RNF144A: variants seen among roughly 807,000 people sequenced by gnomAD.
RNF144A encodes the protein ring finger protein 144A, also known as E3 ubiquitin-protein ligase RNF144A.
A neutral mutation model predicts 38.7 loss-of-function variants in RNF144A; 11 were observed. The observed-to-expected ratio is 0.28, with a 90% CI of 0.18 to 0.47. RNF144A has a LOEUF of 0.47. RNF144A is among the 20% of genes least tolerant of loss of function. The pLI is 0.99. For missense variants in RNF144A, 316 were observed against 377.2 expected, an observed-to-expected ratio of 0.84 and a Z score of 1.34; for synonymous variants, 149 against 143.9, an observed-to-expected ratio of 1.04 and a Z score of -0.25.
downstream of RNF144A, among the ~76,000 whole-genome samples, chr2:7,047,065 G>C (rs1006352102): frequency 6.6e-6 from 1 of 152,188 alleles, no homozygotes; most frequent in East Asian, 1.9e-4. Context: ...AAAAGCTTCT[G>C]ACAGTTGGAC....
chr2:6,924,312 G>A (rs1407376779), intron 1 of RNF144A, among the ~76,000 whole-genome samples: 1 of 152,260 alleles, frequency 6.6e-6, no homozygotes, highest in Admixed American at 6.5e-5. Context: ...GGGGGCCCGA[G>A]GCACTGTGCG....
intron 2 of RNF144A, among the ~76,000 whole-genome samples, chr2:6,980,646 A>G (rs1014513630): frequency 6.6e-6 from 1 of 152,208 alleles, no homozygotes; most frequent in Non-Finnish European, 1.5e-5. Flanking sequence ...ATAGGCTGGC[A>G]TTGAGCGCCT....
intron 2 of RNF144A, among the ~76,000 whole-genome samples, chr2:6,961,917 C>T (rs1667369835): frequency 1.3e-5 from 2 of 152,196 alleles, no homozygotes; most frequent in Admixed American, 1.3e-4. Flanking sequence ...TTACTAAATA[C>T]ATGTGAAATT....
intron 2 of RNF144A, among the ~76,000 whole-genome samples, chr2:6,950,141 C>A (rs977573266): frequency 2.0e-5 from 3 of 152,168 alleles, no homozygotes; most frequent in Admixed American, 1.3e-4. Flanking sequence ...ATATCCTGAA[C>A]CTGCCTTTCA....
chr2:7,044,677 G>A (rs1673231041), downstream of RNF144A, among the ~76,000 whole-genome samples: 1 of 152,212 alleles, frequency 6.6e-6, no homozygotes, highest in African/African-American at 2.4e-5. Flanking sequence ...AGATAATAAT[G>A]AGCTGAAGAT....
intron 3 of RNF144A, among the ~76,000 whole-genome samples, chr2:7,002,795 T>C (rs574373705): frequency 6.6e-6 from 1 of 152,300 alleles, no homozygotes; most frequent in South Asian, 2.1e-4. Flanking sequence ...TGGAACAGCC[T>C]GAGGCAGGTC....
At chr2:7,045,491 C>T (rs1673269731), downstream of RNF144A, among the ~76,000 whole-genome samples, 2 of 152,282 alleles carry the variant, frequency 1.3e-5, no homozygotes, top group East Asian at 3.9e-4. Context: ...CTGGTAGATG[C>T]ACCCCCAGTC....
At chr2:6,959,630 C>T (rs370984454) in intron 2 of RNF144A, among the ~76,000 whole-genome samples, 4 of 152,044 alleles carry the variant, frequency 2.6e-5, no homozygotes, top group South Asian at 2.1e-4. Flanking sequence ...GAGGGGCACA[C>T]GAAAGAAAAC....
intron 6 of RNF144A, among the ~76,000 whole-genome samples, chr2:7,065,810 G>A (rs1015598163): frequency 2.0e-5 from 3 of 152,332 alleles, no homozygotes; most frequent in Admixed American, 2.0e-4. Flanking sequence ...CTTCTTCAAA[G>A]ATATTCATGG....
chr2:7,066,115 T>G (rs961427550), intron 6 of RNF144A, among the ~76,000 whole-genome samples: 4 of 151,800 alleles, frequency 2.6e-5, no homozygotes, highest in Non-Finnish European at 5.9e-5. Context: ...TGAGACGGAG[T>G]CTCACTCTGT....
intron 2 of RNF144A, among the ~76,000 whole-genome samples, chr2:6,984,304 T>G (rs1018250605): frequency 6.6e-6 from 1 of 152,084 alleles, no homozygotes; most frequent in Admixed American, 6.5e-5. Flanking sequence ...CTTTTTTCTT[T>G]TCTTTTTTTT....
At chr2:7,003,581 G>C (rs1273867974) in intron 3 of RNF144A, among the ~76,000 whole-genome samples, 2 of 152,224 alleles carry the variant, frequency 1.3e-5, no homozygotes, top group Non-Finnish European at 2.9e-5. Flanking sequence ...AGCTAGCCTA[G>C]GTGTGTAGTA....
At chr2:6,920,046 G>A (rs1257016722) in intron 1 of RNF144A, among the ~76,000 whole-genome samples, 1 of 152,222 alleles carries the variant, frequency 6.6e-6, no homozygotes, top group African/African-American at 2.4e-5. Context: ...ACTTTGAAGG[G>A]ACCTCACACT....
chr2:7,074,201 A>C, the RNF144A span, among the ~76,000 whole-genome samples: 3,678 of 152,276 alleles, frequency 0.024, 60 homozygotes, highest in Non-Finnish European at 0.037. Context: ...CATAAACAAA[A>C]GTCAGTGGAT....
intron 1 of RNF144A, among the ~76,000 whole-genome samples, chr2:6,921,956 G>A (rs1041383528): frequency 2.0e-5 from 3 of 152,210 alleles, no homozygotes; most frequent in African/African-American, 7.2e-5. Context: ...TTTTAGGGTG[G>A]CTGGTGGTCT....
chr2:6,929,091 TA>T (rs958164380), intron 1 of RNF144A, among the ~76,000 whole-genome samples: 43 of 152,138 alleles, frequency 2.8e-4, no homozygotes, highest in Non-Finnish European at 2.2e-4. Context: ...TCTAGAGTAT[TA>T]AAAAAAATAA....
At chr2:7,038,187 C>A (rs924722808) in intron 8 of RNF144A, among the ~76,000 whole-genome samples, 4 of 152,254 alleles carry the variant, frequency 2.6e-5, no homozygotes, top group African/African-American at 9.6e-5. Flanking sequence ...GGGGCCAGGT[C>A]ATTCTCTGAT....
chr2:7,053,153 G>A (rs900449883), intron 6 of RNF144A, among the ~76,000 whole-genome samples: 10 of 152,052 alleles, frequency 6.6e-5, no homozygotes, highest in African/African-American at 2.4e-4. Flanking sequence ...GGAAGGAATC[G>A]CAATAGGCAT....
intron 2 of RNF144A, among the ~76,000 whole-genome samples, chr2:6,991,989 C>T (rs1216333326): frequency 6.6e-6 from 1 of 152,194 alleles, no homozygotes; most frequent in Non-Finnish European, 1.5e-5. Flanking sequence ...CCCAGAAAGA[C>T]TGGTGACATG....
Sources: allele counts gnomAD v4.1 joint callset (sites outside exome capture counted in the v4.1 genomes callset), GRCh38; gene constraint gnomAD v4.1.1; transcripts MANE v1.5; gene names NCBI Gene and HGNC (gene_info 2026-07-23, HGNC 2026-07-21).